Variants in DAB2IP observed in about 807,000 individuals in gnomAD.
DAB2IP encodes DAB2 interacting protein.
Under a neutral mutation model 107.2 loss-of-function variants are expected in DAB2IP, and 28 were observed. The ratio of observed to expected loss-of-function variants is 0.26; its 90% CI spans 0.19 to 0.36. The LOEUF is 0.36. Ranked by LOEUF, DAB2IP falls within the 10% of genes least tolerant of loss-of-function variation. The probability of loss-of-function intolerance (pLI) is 1.00; values close to 1 mark genes in which losing one functional copy is unlikely to be tolerated. For synonymous variants in DAB2IP, 755 were observed against 706.4 expected, an observed-to-expected ratio of 1.07 and a Z score of -1.09; for missense variants, 1,400 against 1,644.7, an observed-to-expected ratio of 0.85 and a Z score of 2.57.
In DAB2IP at chr9:121,772,702, G is replaced by A. The variant is rs770854977; in HGVS notation, c.2174G>A (p.Arg725His). The A allele has an allele frequency of 4.3e-6, 7 of 1,613,958 alleles. No homozygotes were observed. The East Asian group carries it at 8.9e-5, about 21-fold the overall frequency. ...TCCGGGGTCCAGCCCTCACCTGCCC[G>A]CAGCTCGAGTTACTCGGAAGCCAAC... Residue 725 changes from arginine to histidine, a missense_variant, in exon 12 of 16, where the codon CGC (arginine) becomes CAC (histidine). By Grantham distance (29) the Arg-to-His change is conservative. Around this residue, in one of 3 missense-constraint regions of DAB2IP, gnomAD observed 600 missense variants for 659.1 expected, o/e 0.91. Coordinates refer to ENST00000408936, the Ensembl canonical transcript of DAB2IP. This position sits in a 1 kb window ranked among gnomAD's most constrained non-coding sequence, Gnocchi z 4.7.
At chr9:121,778,559 A>T (rs1588018156) in intron 14 of DAB2IP, among the ~76,000 whole-genome samples, 1 of 152,220 alleles carries the variant, frequency 6.6e-6, no homozygotes, top group South Asian at 2.1e-4. Context: ...TTTTGGACTG[A>T]GTATTTTTTT....
At chr9:121,600,070 G>A (rs951599771) in intron 1 of DAB2IP, among the ~76,000 whole-genome samples, 4 of 152,134 alleles carry the variant, frequency 2.6e-5, no homozygotes, top group African/African-American at 4.8e-5. Flanking sequence ...GGGATCGCGA[G>A]GAAGGCGCCC....
chr9:121,707,245 G>C (rs1830100583), intron 3 of DAB2IP, among the ~76,000 whole-genome samples: 1 of 152,160 alleles, frequency 6.6e-6, no homozygotes, highest in Non-Finnish European at 1.5e-5. Context: ...TAAGAGGGAT[G>C]GACTGACTGG....
At chr9:121,610,812 T>A (rs1831067346) in intron 1 of DAB2IP, among the ~76,000 whole-genome samples, 1 of 152,080 alleles carries the variant, frequency 6.6e-6, no homozygotes, top group Non-Finnish European at 1.5e-5. Flanking sequence ...TGAAGATGGT[T>A]TCACGGACCG....
At chr9:121,749,476 C>T (rs575617377) in intron 3 of DAB2IP, among the ~76,000 whole-genome samples, 4 of 152,340 alleles carry the variant, frequency 2.6e-5, no homozygotes, top group South Asian at 4.1e-4. Flanking sequence ...TCCTGCCAGC[C>T]TTTGGGTGGG....
intron 3 of DAB2IP, among the ~76,000 whole-genome samples, chr9:121,729,500 T>C (rs1831404441): frequency 6.6e-6 from 1 of 152,200 alleles, no homozygotes; most frequent in African/African-American, 2.4e-5. Context: ...AGCTCCTCCA[T>C]GTTCTCCTCT....
At chr9:121,746,666 G>T (rs556962212) in intron 3 of DAB2IP, among the ~76,000 whole-genome samples, 3 of 152,220 alleles carry the variant, frequency 2.0e-5, no homozygotes, top group African/African-American at 4.8e-5. Flanking sequence ...TTCTAGGGGG[G>T]GCCCAGCATG....
chr9:121,580,760 G>A (rs2118904646), intron 1 of DAB2IP, among the ~76,000 whole-genome samples: 1 of 152,238 alleles, frequency 6.6e-6, no homozygotes, highest in Non-Finnish European at 1.5e-5. Context: ...GAGTAGCTGG[G>A]ACTACAGGCG....
At chr9:121,656,544 C>T (rs1371326267) in intron 1 of DAB2IP, among the ~76,000 whole-genome samples, 1 of 152,234 alleles carries the variant, frequency 6.6e-6, no homozygotes, top group East Asian at 1.9e-4. Flanking sequence ...AAGACACAAT[C>T]TTTCATTTGG....
chr9:121,617,772 C>G (rs961209709), intron 1 of DAB2IP, among the ~76,000 whole-genome samples: 1 of 152,226 alleles, frequency 6.6e-6, no homozygotes, highest in African/African-American at 2.4e-5. Context: ...GGCCTCATAC[C>G]CAGTCTCCTG....
intron 1 of DAB2IP, among the ~76,000 whole-genome samples, chr9:121,611,017 C>T (rs895433143): frequency 2.6e-5 from 4 of 152,122 alleles, no homozygotes; most frequent in Non-Finnish European, 5.9e-5. Context: ...CACTCCATCA[C>T]CCATGCTGGA....
At chr9:121,714,224 T>C (rs1482714189) in intron 3 of DAB2IP, among the ~76,000 whole-genome samples, 1 of 152,096 alleles carries the variant, frequency 6.6e-6, no homozygotes, top group African/African-American at 2.4e-5. Flanking sequence ...ACACATGAAG[T>C]GATGTTTGTG....
At chr9:121,601,333 C>G (rs1478250329) in intron 1 of DAB2IP, among the ~76,000 whole-genome samples, 1 of 152,168 alleles carries the variant, frequency 6.6e-6, no homozygotes, top group African/African-American at 2.4e-5. Flanking sequence ...TGCTGTGTCC[C>G]CACTTGGTGA....
intron 1 of DAB2IP, among the ~76,000 whole-genome samples, chr9:121,609,733 C>A (rs1301537455): frequency 6.6e-6 from 1 of 152,248 alleles, no homozygotes; most frequent in African/African-American, 2.4e-5. Flanking sequence ...CCTAAAACTT[C>A]ATGACAAGTT....
chr9:121,676,639 AC>A (rs2119130699), intron 1 of DAB2IP, among the ~76,000 whole-genome samples: 1 of 151,630 alleles, frequency 6.6e-6, no homozygotes, highest in Admixed American at 6.5e-5. Context: ...GCAGACGCAC[AC>A]ACACACACAC....
intron 3 of DAB2IP, among the ~76,000 whole-genome samples, chr9:121,739,957 T>C (rs1312886455): frequency 6.6e-6 from 1 of 152,158 alleles, no homozygotes; most frequent in African/African-American, 2.4e-5. Context: ...CAGGGTGGCC[T>C]GGGTTCACGG....
chr9:121,727,264 G>A (rs962430233), intron 3 of DAB2IP, among the ~76,000 whole-genome samples: 2 of 152,364 alleles, frequency 1.3e-5, no homozygotes, highest in East Asian at 3.9e-4. Context: ...TGCCCGCGGT[G>A]AAGCTGCTTC....
intron 1 of DAB2IP, among the ~76,000 whole-genome samples, chr9:121,608,521 A>G (rs1279444551): frequency 6.6e-6 from 1 of 152,142 alleles, no homozygotes; most frequent in African/African-American, 2.4e-5. Flanking sequence ...CGAGGACTGT[A>G]ACTGGTTGGA....
In DAB2IP at chr9:121,614,796, C is replaced by T. The variant is rs551499232; in HGVS notation, c.40+47568C>T. Reference sequence around the variant, plus strand: ...TTGTCCAGGCTGGAGTGCAGTGTTGCGATCTTGGCTCACAGCAACCTCTGC... The same window carrying T: ...TTGTCCAGGCTGGAGTGCAGTGTTGTGATCTTGGCTCACAGCAACCTCTGC... On this transcript the variant is annotated intron_variant, in intron 1 of 16. Coordinates refer to the DAB2IP transcript ENST00000259371. Among the ~76,000 whole-genome samples, 6 of 144,332 alleles carry T rather than the reference C, an allele frequency of 4.2e-5. No homozygotes were observed. In the East Asian group the frequency reaches 8.4e-4, roughly 20 times the overall value. 94.7% of individuals were successfully genotyped at this position (144,332 alleles called of 152,430 possible).
Sources: allele counts gnomAD v4.1 joint callset (sites outside exome capture counted in the v4.1 genomes callset), GRCh38; gene constraint gnomAD v4.1.1; regional missense constraint gnomAD v4.1.1; non-coding constraint Gnocchi (gnomAD v3.1); transcripts MANE v1.5; gene names NCBI Gene and HGNC (gene_info 2026-07-23, HGNC 2026-07-21).